The following ARID3B variants were observed in gnomAD, a reference collection of about 807,000 sequenced individuals.
ARID3B encodes AT-rich interaction domain 3B, also known as AT-rich interactive domain-containing protein 3B.
ARID3B carries 10 observed loss-of-function variants against 51.9 expected under a neutral mutation model. The observed-to-expected ratio is 0.19, with a 90% CI of 0.12 to 0.33. The LOEUF (loss-of-function observed/expected upper bound fraction) is 0.33, where lower values mean the gene tolerates loss of function less well. Among genes scored for constraint, ARID3B ranks in the 10% least tolerant of loss-of-function variants. ARID3B has a pLI of 1.00. For missense variants in ARID3B, 483 were observed against 716.3 expected, an observed-to-expected ratio of 0.67 and a Z score of 3.72; for synonymous variants, 205 against 279.5, an observed-to-expected ratio of 0.73 and a Z score of 2.66.
intron 2 of ARID3B, 104 bp from the exon 3 acceptor site, chr15:74,572,758 A>G (rs931111084): frequency 1.8e-6 from 2 of 1,105,862 alleles, no homozygotes; most frequent in South Asian, 1.3e-5. Context: ...GGATAGCACA[A>G]TTGCTAAGCA....
At chr15:74,563,391 AT>A (rs768768934) in intron 2 of ARID3B, among the ~76,000 whole-genome samples, 8 of 152,354 alleles carry the variant, frequency 5.3e-5, no homozygotes, top group East Asian at 3.9e-4. Flanking sequence ...GGAATCCCAA[AT>A]TTGAAAATAA....
At chr15:74,543,295 C>T (rs564064179) in intron 1 of ARID3B, among the ~76,000 whole-genome samples, 10 of 152,260 alleles carry the variant, frequency 6.6e-5, no homozygotes, top group Admixed American at 4.6e-4. Flanking sequence ...AAAGCTTAGA[C>T]CCAAGAGCAG....
intron 2 of ARID3B, among the ~76,000 whole-genome samples, chr15:74,558,006 A>G (rs1403354444): frequency 1.3e-5 from 2 of 151,598 alleles, no homozygotes; most frequent in Admixed American, 6.6e-5. Flanking sequence ...TATTTTTAGT[A>G]GAGACAGGGT....
chr15:74,571,145 T>C (rs1427199753), intron 2 of ARID3B, among the ~76,000 whole-genome samples: 2 of 152,160 alleles, frequency 1.3e-5, no homozygotes, highest in East Asian at 3.8e-4. Flanking sequence ...TATCGGAAAG[T>C]GGGTCTTCAT....
rs2061593743 is a variant in ARID3B at position 74,541,274 on chromosome 15, C to CCGGGGCCTCAGCTGCCGCCT, written c.-126_-125insCAGCTGCCGCCTCGGGGCCT. 1 of 152,020 alleles carries CCGGGGCCTCAGCTGCCGCCT rather than the reference C, an allele frequency of 6.6e-6. No homozygotes were observed. Among genetic ancestry groups the CCGGGGCCTCAGCTGCCGCCT allele is most frequent in the African/African-American group, 2.4e-5 (1 of 41,414 alleles). The allele number at this position is 152,020 out of a possible 1,614,324, so 9.4% of individuals were successfully genotyped here. ...AGGAGTCCGAGACGCAGCTGCCGCG[C>CCGGGGCCTCAGCTGCCGCCT]CGGGGCCTGAGCTGCCGCCTCCTCC... On this transcript the variant is annotated 5_prime_UTR_variant, in exon 1 of 9. Transcript: ENST00000346246.
rs869243539 is a variant in ARID3B, at chr15:74,555,786, CTTTTTTTTT to C, written c.552+11313_552+11321del. ...AGCTGTAGCCTTACGAGCTGTATTT[CTTTTTTTTT>C]TTTTTTTTTTTTTTGAGACGGAATC... On this transcript the variant is annotated intron_variant, in intron 2 of 8. Coordinates refer to ENST00000346246, the MANE Select transcript of ARID3B (RefSeq NM_006465.4). 4.0e-3 allele frequency among the ~76,000 whole-genome samples: 378 copies of C among 95,080 alleles called. 3 individuals carry two copies. Among genetic ancestry groups the C allele is most frequent in the East Asian group, 0.04 (108 of 2,724 alleles). 62.4% of individuals were successfully genotyped at this position (95,080 alleles called of 152,430 possible). A position where few individuals can be genotyped will look rare whatever the true frequency, so the allele number is the denominator to read the frequency against.
At chr15:74,542,595 A>C (rs1422583813) in intron 1 of ARID3B, among the ~76,000 whole-genome samples, 1 of 152,236 alleles carries the variant, frequency 6.6e-6, no homozygotes, top group Non-Finnish European at 1.5e-5. Context: ...CTTCTCCGTG[A>C]ATTTTTGAAG....
chr15:74,564,812 G>GCTGGTCTCAAACT (rs2061691899), intron 2 of ARID3B, among the ~76,000 whole-genome samples: 1 of 151,872 alleles, frequency 6.6e-6, no homozygotes, highest in African/African-American at 2.4e-5. Context: ...ATGTTGCCAG[G>GCTGGTCTCAAACT]CTGGTCTCAA....
At chr15:74,568,878 G>C (rs1013254170) in intron 2 of ARID3B, among the ~76,000 whole-genome samples, 4 of 152,178 alleles carry the variant, frequency 2.6e-5, no homozygotes, top group Non-Finnish European at 5.9e-5. Context: ...GTGTAACAAA[G>C]CCTGTTCCCT....
intron 2 of ARID3B, among the ~76,000 whole-genome samples, chr15:74,569,263 G>A (rs1487890301): frequency 1.3e-5 from 2 of 152,186 alleles, no homozygotes; most frequent in African/African-American, 2.4e-5. Flanking sequence ...AGGGGAAGAC[G>A]GAGGAGCTGT....
intron 4 of ARID3B, among the ~76,000 whole-genome samples, chr15:74,584,781 G>A (rs150245220): frequency 1.3e-5 from 2 of 152,350 alleles, no homozygotes; most frequent in Non-Finnish European, 1.5e-5. Flanking sequence ...TGCACTGGAA[G>A]CTCCTGATCA....
rs1014355354 is a variant in ARID3B, at chr15:74,582,254, G to A, written c.698-7566G>A. The stretch of plus-strand genomic sequence containing the variant: ...GCGATTTCGGCTCACTGCAACCTCC[G>A]CCGCCCGGGTTCACGCCATTCTCCT... On this transcript the variant is annotated intron_variant, in intron 4 of 8. Transcript: ENST00000346246. 4.6e-5 allele frequency among the ~76,000 whole-genome samples: 7 copies of A among 151,108 alleles called. No individual in the cohort carries two copies. In the East Asian group the frequency reaches 5.8e-4, roughly 13 times the overall value.
At chr15:74,586,322 G>C (rs1453332580) in intron 4 of ARID3B, among the ~76,000 whole-genome samples, 1 of 152,200 alleles carries the variant, frequency 6.6e-6, no homozygotes, top group African/African-American at 2.4e-5. Context: ...ACACCACTGT[G>C]ACCCTTCCTT....
intron 4 of ARID3B, among the ~76,000 whole-genome samples, chr15:74,583,165 A>C (rs1002520462): frequency 6.6e-6 from 1 of 151,790 alleles, no homozygotes; most frequent in African/African-American, 2.4e-5. Context: ...ATGTCACTGC[A>C]CTCTAGCCTG....
At chr15:74,594,695 C>T (rs2061817709) in intron 8 of ARID3B, among the ~76,000 whole-genome samples, 2 of 152,262 alleles carry the variant, frequency 1.3e-5, no homozygotes, top group African/African-American at 4.8e-5. Context: ...TGGGAGCATG[C>T]TCTGGATCTC....
chr15:74,560,157 A>T (rs980003489), intron 2 of ARID3B, among the ~76,000 whole-genome samples: 1 of 151,454 alleles, frequency 6.6e-6, no homozygotes, highest in Non-Finnish European at 1.5e-5. Context: ...GTGAGCCACG[A>T]TTGCACCACT....
At position 74,597,297 on chromosome 15, in the gene ARID3B, A is replaced by C. The variant is rs953260392; in HGVS notation, c.*1523A>C. ...AGGAAGCCCTGGAATGTTCAGCAGA[A>C]CACCACCACTGTGACATGGGGCTGT... is the stretch of plus-strand genomic sequence containing the variant. On this transcript the variant is annotated 3_prime_UTR_variant, in exon 9 of 9. Transcript: ENST00000346246. 5 of 406,272 alleles carry C rather than the reference A, an allele frequency of 1.2e-5. No individual in the cohort carries two copies. The highest frequency in any genetic ancestry group is 4.5e-5 in the East Asian group (1 of 22,468). 25.2% of individuals were successfully genotyped at this position (406,272 alleles called of 1,614,324 possible).
chr15:74,591,663 G>T lies in ARID3B; in HGVS notation c.1269G>T (p.Gln423His). 6.2e-7 allele frequency: 1 copy of T among 1,608,738 alleles called. No individual in the cohort carries two copies. The highest frequency in any genetic ancestry group is 8.5e-7 in the Non-Finnish European group (1 of 1,177,638). The change falls in exon 7 of 9, where the codon CAG becomes CAT. Residue 423 changes from glutamine (Q) to histidine (H), a missense_variant. Around this residue, in one of 3 missense-constraint regions of ARID3B, gnomAD observed 265 missense variants for 354.4 expected, o/e 0.75. Transcript: ENST00000346246. The surrounding 1 kb of genome is among the most constrained non-coding windows in gnomAD (Gnocchi z 5.8). ...QAGTRTAALEQLRERLESGEP... is the reference protein window; with the variant it reads ...QAGTRTAALEHLRERLESGEP... ...GTACTCGGACCGCCGCACTGGAGCA[G>T]CTGCGGGAGCGGCTGGAGTCAGGGG... is the stretch of plus-strand genomic sequence containing the variant.
At chr15:74,584,217 A>T (rs1358301682) in intron 4 of ARID3B, among the ~76,000 whole-genome samples, 1 of 152,000 alleles carries the variant, frequency 6.6e-6, no homozygotes, top group Non-Finnish European at 1.5e-5. Context: ...ATCTGTTGTG[A>T]TATTCTCTAT....
Sources: gnomAD v4.1 joint callset for allele counts (sites outside exome capture counted in the v4.1 genomes callset) on GRCh38, gnomAD v4.1.1 for gene constraint, gnomAD v4.1.1 regional missense constraint, Gnocchi (gnomAD v3.1) non-coding constraint, MANE v1.5 for transcripts, NCBI Gene and HGNC (gene_info 2026-07-23, HGNC 2026-07-21) for gene names.